The following HSPG2 variants were observed in gnomAD, a reference collection of about 807,000 sequenced individuals.
HSPG2 encodes basement membrane-specific heparan sulfate proteoglycan core protein.
Under a neutral mutation model 526.6 loss-of-function variants are expected in HSPG2, and 278 were observed. The observed-to-expected ratio is 0.53, with a 90% CI of 0.48 to 0.58. The LOEUF (loss-of-function observed/expected upper bound fraction) is 0.58, where lower values mean the gene tolerates loss of function less well. Among genes scored for constraint, HSPG2 ranks in the 20% least tolerant of loss-of-function variants. The pLI is 0.00. For synonymous variants in HSPG2, 2,465 were observed against 2,555.4 expected, an observed-to-expected ratio of 0.96 and a Z score of 1.07; for missense variants, 5,354 against 6,099.5, an observed-to-expected ratio of 0.88 and a Z score of 4.07.
At position 21,890,962 on chromosome 1, in the gene HSPG2, C is replaced by T. The variant is rs1020465459; in HGVS notation, c.245-268G>A. Among the ~76,000 whole-genome samples the T allele has an allele frequency of 6.6e-6, 1 of 152,208 alleles. No homozygotes were observed. The highest frequency in any genetic ancestry group is 1.5e-5 in the Non-Finnish European group (1 of 68,044). On this transcript the variant is annotated intron_variant, in intron 3 of 96. Transcript: ENST00000374695. The surrounding 1 kb of genome is among the most constrained non-coding windows in gnomAD (Gnocchi z 4.1). ...CAAGTGCTAGTGCAAAAGAGGAGAC[C>T]CCCACAGTTCAGAGGAAGGCTGGAC...
intron 1 of HSPG2, among the ~76,000 whole-genome samples, chr1:21,907,469 G>C (rs898185291): frequency 6.6e-6 from 1 of 152,178 alleles, no homozygotes; most frequent in African/African-American, 2.4e-5. Context: ...CTCTGGACAG[G>C]AGTGAGGTGG....
At chr1:21,910,838 T>A (rs1021615795) in intron 1 of HSPG2, among the ~76,000 whole-genome samples, 13 of 152,102 alleles carry the variant, frequency 8.5e-5, no homozygotes, top group African/African-American at 3.1e-4. Flanking sequence ...ATGTTAATTA[T>A]CTGATTTAAT....
chr1:21,853,129 G>C, intron 50 of HSPG2, 59 bp from the exon 51 acceptor site: 2 of 1,606,828 alleles, frequency 1.2e-6, no homozygotes, highest in Non-Finnish European at 1.7e-6. Context: ...TGTAGCCCTG[G>C]GGCAGAAGGC....
At chr1:21,878,803 C>A in intron 18 of HSPG2, 140 bp from the exon 19 acceptor site, 2 of 1,174,690 alleles carry the variant, frequency 1.7e-6, no homozygotes, top group Non-Finnish European at 2.5e-6. Flanking sequence ...AGCCTCACAG[C>A]AACTGTAGGA....
At position 21,836,954 on chromosome 1, in the gene HSPG2, G is replaced by A. The variant is rs377372694; in HGVS notation, c.10203C>T (p.Thr3401=). The part of the protein sequence containing the change: ...ATSIPAGSTP[T]VQVTPQLETK... ...TCTCTAGCTGAGGCGTGACCTGCAC[G>A]GTGGGCGTGGACCCTGCTGGGATGG... Residue 3401 remains threonine (T), a synonymous_variant, in exon 75 of 97, where the codon ACC becomes ACT. Coordinates refer to ENST00000374695, the MANE Select transcript of HSPG2 (RefSeq NM_005529.7). 17 of 1,555,316 alleles carry A rather than the reference G, an allele frequency of 1.1e-5. No homozygotes were observed. The highest frequency in any genetic ancestry group is 1.7e-4 in the Middle Eastern group (1 of 6,018).
chr1:21,835,983 C>CAAAAAAA (rs71569851), intron 75 of HSPG2, among the ~76,000 whole-genome samples: 2 of 75,796 alleles, frequency 2.6e-5, no homozygotes, highest in Admixed American at 1.6e-4. Context: ...GATTCCATCT[C>CAAAAAAA]AAAAAAAAAA....
intron 1 of HSPG2, among the ~76,000 whole-genome samples, chr1:21,909,374 A>C (rs1452253674): frequency 4.6e-5 from 7 of 152,214 alleles, no homozygotes; most frequent in African/African-American, 1.7e-4. Flanking sequence ...CACATGCTGA[A>C]TCCCAGAGAT....
intron 1 of HSPG2, among the ~76,000 whole-genome samples, chr1:21,930,625 T>C (rs1188637181): frequency 1.3e-5 from 2 of 151,988 alleles, no homozygotes; most frequent in Non-Finnish European, 2.9e-5. Flanking sequence ...AATACAAAAA[T>C]TAGCTGGACG....
chr1:21,852,251 G>T lies in HSPG2; in HGVS notation c.6725-18C>A. Reference sequence around the variant, plus strand: ...GATGGGTCCTGCAGCAGTGGGGATGGGAGTGAGAGTTGTAGATGCTCCTGA... The same window carrying T: ...GATGGGTCCTGCAGCAGTGGGGATGTGAGTGAGAGTTGTAGATGCTCCTGA... On this transcript the variant is annotated intron_variant, in intron 52 of 96. Coordinates refer to ENST00000374695, the MANE Select transcript of HSPG2 (RefSeq NM_005529.7). The T allele has an allele frequency of 3.1e-6, 5 of 1,613,818 alleles. No individual in the cohort carries two copies. The highest frequency in any genetic ancestry group is 4.2e-6 in the Non-Finnish European group (5 of 1,179,932).
In HSPG2 at chr1:21,904,880, G is replaced by A. The variant is rs1252179121; in HGVS notation, c.64-8570C>T. Among the ~76,000 whole-genome samples, 1 of 152,160 alleles carries A rather than the reference G, an allele frequency of 6.6e-6. No individual in the cohort carries two copies. Among genetic ancestry groups the A allele is most frequent in the African/African-American group, 2.4e-5 (1 of 41,446 alleles). ...GCCCTGCTGCCCTGGCAGGTCTGTG[G>A]GGCTTCAAGGGCACACCAACCTGGT... On this transcript the variant is annotated intron_variant, in intron 1 of 96. Transcript: ENST00000374695. The surrounding 1 kb of genome is among the most constrained non-coding windows in gnomAD (Gnocchi z 4.4).
chr1:21,859,938 G>A lies in HSPG2; in HGVS notation c.5079C>T (p.Ser1693=). ...CACTGACCTGACACCGCAGGGAGTG[G>A]GAGCCACCTTGGGGCACTATGCTTC... ...PARSIVPQGG[S]HSLRCQVSGS... Residue 1693 remains serine, a synonymous_variant, in exon 41 of 97, where the codon TCC becomes TCT. Coordinates refer to ENST00000374695, the MANE Select transcript of HSPG2 (RefSeq NM_005529.7). This position sits in a 1 kb window ranked among gnomAD's most constrained non-coding sequence, Gnocchi z 5.3. 6.2e-7 allele frequency: 1 copy of A among 1,610,602 alleles called. No individual in the cohort carries two copies. Among genetic ancestry groups the A allele is most frequent in the Non-Finnish European group, 8.5e-7 (1 of 1,179,388 alleles).
rs999243371 is a variant in HSPG2 at position 21,898,831 on chromosome 1, C to A, written c.64-2521G>T. On this transcript the variant is annotated intron_variant, in intron 1 of 96. Coordinates refer to ENST00000374695, the MANE Select transcript of HSPG2 (RefSeq NM_005529.7). This position sits in a 1 kb window ranked among gnomAD's most constrained non-coding sequence, Gnocchi z 4.0. ...TATGGAGGGCATGCCTGGAGCACTGCGACTCCCAGCATCTCCTAGACACTG... is the reference window on the plus strand; with the variant it reads ...TATGGAGGGCATGCCTGGAGCACTGAGACTCCCAGCATCTCCTAGACACTG... 6.6e-6 allele frequency among the ~76,000 whole-genome samples: 1 copy of A among 152,204 alleles called. No homozygotes were observed. The highest frequency in any genetic ancestry group is 1.5e-5 in the Non-Finnish European group (1 of 68,032).
intron 33 of HSPG2, among the ~76,000 whole-genome samples, chr1:21,866,852 A>G (rs1377584927): frequency 6.6e-6 from 1 of 152,164 alleles, no homozygotes; most frequent in Non-Finnish European, 1.5e-5. Flanking sequence ...ACACCTGCTG[A>G]TTACACACAC....
Position 21,847,717 on chromosome 1 carries a change from C to T in HSPG2, c.7997G>A (p.Arg2666His), listed in dbSNP as rs549490616. ...GTGTCGGGAGGGAAGGCTGCCCCCA[C>T]GCTTGTACCATGTGATGATAGCCTG... ...QPQAIITWYK[R>H]GGSLPSRHQT... is the part of the protein sequence containing the mutation. Residue 2666 changes from arginine to histidine, a missense_variant, in exon 61 of 97, where the codon CGT becomes CAT. Arg to His is a conservative substitution (Grantham distance 29). Transcript: ENST00000374695. This position sits in a 1 kb window ranked among gnomAD's most constrained non-coding sequence, Gnocchi z 4.1. 45 of 1,611,272 alleles carry T rather than the reference C, an allele frequency of 2.8e-5. No individual in the cohort carries two copies. The highest frequency in any genetic ancestry group is 3.2e-5 in the Non-Finnish European group (38 of 1,178,954).
In HSPG2 at chr1:21,885,060, G is replaced by A. The variant is rs775503699; in HGVS notation, c.1308C>T (p.Pro436=). 1.9e-6 allele frequency: 3 copies of A among 1,613,932 alleles called. No homozygotes were observed. Among genetic ancestry groups the A allele is most frequent in the South Asian group, 2.2e-5 (2 of 91,088 alleles). The change falls in exon 11 of 97, where the codon CCC becomes CCT. Residue 436 remains proline (P), a synonymous_variant. Coordinates refer to ENST00000374695, the MANE Select transcript of HSPG2 (RefSeq NM_005529.7). ...CCCAGTTGAGCCTCCAATTGATGAT[G>A]GGGGTGGGGACGCCAATGGCCACGC... The part of the protein sequence containing the change: ...FTCVAIGVPT[P]IINWRLNWGH...
Position 21,828,546 on chromosome 1 carries a change from A to T in HSPG2, c.12238-120T>A. ...GAGCCCACATTGGGCCCTGAGTGGT[A>T]GCATGGATTCTCGGTGTGGGGAGGG... is the stretch of plus-strand genomic sequence containing the variant. On this transcript the variant is annotated intron_variant, in intron 88 of 96. Coordinates refer to ENST00000374695, the MANE Select transcript of HSPG2 (RefSeq NM_005529.7). The surrounding 1 kb of genome is among the most constrained non-coding windows in gnomAD (Gnocchi z 6.0). The T allele has an allele frequency of 9.2e-7, 1 of 1,090,866 alleles. No homozygotes were observed. The allele number at this position is 1,090,866 out of a possible 1,614,324, so 67.6% of individuals were successfully genotyped here.
In HSPG2 at chr1:21,889,754, GT is replaced by G. The variant is rs1198266646; in HGVS notation, c.574+226del. On this transcript the variant is annotated intron_variant, in intron 6 of 96. Transcript: ENST00000374695. Reference sequence around the variant, plus strand: ...GATTACCTATTGTCAATGTGCAGAGGTCTAGAAGGAAGGAGCAGAACTCGGG... The same window carrying G: ...GATTACCTATTGTCAATGTGCAGAGGCTAGAAGGAAGGAGCAGAACTCGGG... 1.0e-5 allele frequency: 6 copies of G among 600,284 alleles called. No homozygotes were observed. In the East Asian group the frequency reaches 1.7e-4, roughly 17 times the overall value. The allele number at this position is 600,284 out of a possible 1,614,324, so 37.2% of individuals were successfully genotyped here. A position where few individuals can be genotyped will look rare whatever the true frequency, so the allele number is the denominator to read the frequency against.
At chr1:21,857,222 T>C (rs1208877479) in intron 43 of HSPG2, 27 bp from the exon 44 acceptor site, 2 of 1,613,774 alleles carry the variant, frequency 1.2e-6, no homozygotes, top group African/African-American at 1.3e-5. Context: ...AAGGGGGTCA[T>C]GGGTGGGGCT....
intron 83 of HSPG2, 40 bp downstream of exon 83, chr1:21,831,423 G>A (rs371488065): frequency 1.2e-6 from 2 of 1,607,410 alleles, no homozygotes. Flanking sequence ...AGCCAGCCAG[G>A]TAAGGCCCAG....
Sources: allele counts gnomAD v4.1 joint callset (sites outside exome capture counted in the v4.1 genomes callset), GRCh38; gene constraint gnomAD v4.1.1; non-coding constraint Gnocchi (gnomAD v3.1); transcripts MANE v1.5; gene names NCBI Gene and HGNC (gene_info 2026-07-23, HGNC 2026-07-21).